HSF2BP: variants seen among roughly 807,000 people sequenced by gnomAD.
HSF2BP encodes the protein heat shock factor 2-binding protein.
In HSF2BP, 35 loss-of-function variants were observed where a neutral mutation model predicts 35.0. The ratio of observed to expected loss-of-function variants is 1.00; its 90% CI spans 0.76 to 1.32. The LOEUF (loss-of-function observed/expected upper bound fraction) is 1.32, where lower values mean the gene tolerates loss of function less well. Ranked by LOEUF, HSF2BP falls within the 40% of genes most tolerant of loss-of-function variation. The pLI is 0.00. For synonymous variants in HSF2BP, 114 were observed against 117.4 expected (o/e 0.97, Z 0.18); for missense variants, 326 against 321.7 (o/e 1.01, Z -0.10).
At chr21:43,654,628 C>T (rs557498837) in intron 3 of HSF2BP, among the ~76,000 whole-genome samples, 2 of 152,120 alleles carry the variant, frequency 1.3e-5, no homozygotes, top group East Asian at 1.9e-4. Context: ...CTGTTCCTGG[C>T]GACCTTAGAC....
At chr21:43,616,990 ACT>A (rs1229163357) in intron 6 of HSF2BP, among the ~76,000 whole-genome samples, 16 of 151,882 alleles carry the variant, frequency 1.1e-4, no homozygotes, top group African/African-American at 3.9e-4. Flanking sequence ...AAGCCTTGAG[ACT>A]CTATGAGGAA....
At chr21:43,656,457 C>A in intron 3 of HSF2BP, 130 bp downstream of exon 3, 1 of 879,962 alleles carries the variant, frequency 1.1e-6, no homozygotes, top group Admixed American at 2.6e-5. Flanking sequence ...CTTAGGTCAT[C>A]AGACTCTCCC....
chr21:43,659,190 G>T lies in HSF2BP; in HGVS notation c.-225+196C>A, dbSNP rs570264300. Among the ~76,000 whole-genome samples, 3 of 152,150 alleles carry T rather than the reference G, an allele frequency of 2.0e-5. No homozygotes were observed. In the East Asian group the frequency reaches 5.9e-4, roughly 30 times the overall value. Reference sequence around the variant, plus strand: ...CGCGCGCCTGTAGTCTCAGCTACTTGGGCGGTCGAGATGGGAGGATCGATC... The same window carrying T: ...CGCGCGCCTGTAGTCTCAGCTACTTTGGCGGTCGAGATGGGAGGATCGATC... On this transcript the variant is annotated intron_variant, in intron 1 of 8. Transcript: ENST00000291560. This position sits in a 1 kb window ranked among gnomAD's most constrained non-coding sequence, Gnocchi z 4.2.
At chr21:43,574,426 C>T (rs906876963) in intron 8 of HSF2BP, among the ~76,000 whole-genome samples, 4 of 151,766 alleles carry the variant, frequency 2.6e-5, no homozygotes, top group East Asian at 1.9e-4. Flanking sequence ...GGTGCGATCT[C>T]GGATCACCGC....
rs1303710675 is a variant in HSF2BP, at chr21:43,637,634, C to G, written c.292-4213G>C. ...CCAGCCTTGGCAACACAGCAAGACC[C>G]TATCTCTACAAAAACTTAAAAAAAA... On this transcript the variant is annotated intron_variant, in intron 4 of 8. Coordinates refer to ENST00000291560, the MANE Select transcript of HSF2BP (RefSeq NM_007031.2). Among the ~76,000 whole-genome samples the G allele has an allele frequency of 3.3e-5, 5 of 151,460 alleles. No homozygotes were observed. The East Asian group carries it at 7.7e-4, about 23-fold the overall frequency.
At position 43,656,777 on chromosome 21, in the gene HSF2BP, T is replaced by C. The variant is rs2082875829; in HGVS notation, c.37-40A>G. The C allele has an allele frequency of 1.9e-6, 3 of 1,564,766 alleles. No individual in the cohort carries two copies. In the East Asian group the frequency reaches 6.7e-5, roughly 35 times the overall value. ...AGATCTTATTATATTTCTCTTCACA[T>C]GAGAAAAAAAACAACAGCTCAAGTT... On this transcript the variant is annotated intron_variant, in intron 2 of 8. Transcript: ENST00000291560.
intron 4 of HSF2BP, among the ~76,000 whole-genome samples, chr21:43,639,994 A>T (rs2082614592): frequency 6.6e-6 from 1 of 152,182 alleles, no homozygotes; most frequent in Non-Finnish European, 1.5e-5. Context: ...TGCAACTTGG[A>T]TGTATCTGAG....
intron 8 of HSF2BP, among the ~76,000 whole-genome samples, chr21:43,576,565 T>C (rs1008476864): frequency 6.6e-6 from 1 of 152,172 alleles, no homozygotes; most frequent in African/African-American, 2.4e-5. Context: ...CACAACACTA[T>C]ATAGAAGGCA....
At chr21:43,607,735 T>C (rs1402129090) in intron 7 of HSF2BP, among the ~76,000 whole-genome samples, 1 of 152,082 alleles carries the variant, frequency 6.6e-6, no homozygotes, top group African/African-American at 2.4e-5. Flanking sequence ...ATAACACTGG[T>C]ACAAAAATAA....
At chr21:43,596,973 G>A (rs898537691) in intron 7 of HSF2BP, among the ~76,000 whole-genome samples, 1 of 151,706 alleles carries the variant, frequency 6.6e-6, no homozygotes, top group Non-Finnish European at 1.5e-5. Flanking sequence ...ACCAGGCAGC[G>A]ACCCTCAATC....
At chr21:43,652,617 T>TG (rs1343515254) in intron 3 of HSF2BP, among the ~76,000 whole-genome samples, 1 of 152,094 alleles carries the variant, frequency 6.6e-6, no homozygotes, top group Non-Finnish European at 1.5e-5. Flanking sequence ...TGGGAAGGCT[T>TG]GGGGAGGGCC....
At chr21:43,649,363 G>C (rs1180766045) in intron 3 of HSF2BP, among the ~76,000 whole-genome samples, 1 of 152,014 alleles carries the variant, frequency 6.6e-6, no homozygotes, top group Non-Finnish European at 1.5e-5. Context: ...AACCAGGAAG[G>C]CTGGGGTTGC....
At chr21:43,501,459 G>A in the HSF2BP span, among the ~76,000 whole-genome samples, 5 of 52,006 alleles carry the variant, frequency 9.6e-5, no homozygotes, top group Non-Finnish European at 1.4e-4. Flanking sequence ...CTGGAGCACA[G>A]TGGCACGATC....
intron 5 of HSF2BP, among the ~76,000 whole-genome samples, chr21:43,632,485 C>CCA (rs919752360): frequency 1.1e-3 from 43 of 38,334 alleles, no homozygotes; most frequent in African/African-American, 2.1e-3. Context: ...ACACACGCTG[C>CCA]CACACACACA....
the HSF2BP span, among the ~76,000 whole-genome samples, chr21:43,495,669 C>G: frequency 1.9e-4 from 23 of 121,122 alleles, 4 homozygotes; most frequent in East Asian, 4.7e-3. Flanking sequence ...AGGGATCTGT[C>G]CCAGGCAGAC....
chr21:43,611,817 T>G (rs904178508), intron 7 of HSF2BP, among the ~76,000 whole-genome samples: 3 of 152,236 alleles, frequency 2.0e-5, no homozygotes, highest in African/African-American at 7.2e-5. Flanking sequence ...GCAGGGTATA[T>G]GAAGCCCCAG....
At chr21:43,652,609 G>C (rs1389037403) in intron 3 of HSF2BP, among the ~76,000 whole-genome samples, 1 of 152,144 alleles carries the variant, frequency 6.6e-6, no homozygotes, top group Admixed American at 6.5e-5. Flanking sequence ...CAGGCTCGTG[G>C]GAAGGCTTGG....
At chr21:43,630,144 A>AT (rs1313136179) in intron 6 of HSF2BP, among the ~76,000 whole-genome samples, 178 bp downstream of exon 6, 3 of 152,202 alleles carry the variant, frequency 2.0e-5, no homozygotes, top group Non-Finnish European at 4.4e-5. Flanking sequence ...AAGTTTGTAC[A>AT]TTTTTTAGAC....
chr21:43,658,766 C>T (rs35766158), intron 1 of HSF2BP, among the ~76,000 whole-genome samples: 1 of 152,236 alleles, frequency 6.6e-6, no homozygotes, highest in Non-Finnish European at 1.5e-5. Flanking sequence ...GGGACGCCTG[C>T]GCGGGCGCCC....
Sources: gnomAD v4.1 joint callset for allele counts (sites outside exome capture counted in the v4.1 genomes callset) on GRCh38, gnomAD v4.1.1 for gene constraint, Gnocchi (gnomAD v3.1) non-coding constraint, MANE v1.5 for transcripts, NCBI Gene and HGNC (gene_info 2026-07-23, HGNC 2026-07-21) for gene names.